Variants in GRIK4 observed in about 807,000 individuals in gnomAD.
GRIK4 encodes glutamate receptor ionotropic, kainate 4.
In GRIK4, 40 loss-of-function variants were observed where a neutral mutation model predicts 104.9. That is an observed-to-expected ratio of 0.38 (90% CI 0.30 to 0.50). GRIK4 has a LOEUF of 0.50. Ranked by LOEUF, GRIK4 falls within the 20% of genes least tolerant of loss-of-function variation. The pLI is 0.93. For synonymous variants in GRIK4, 485 were observed against 524.9 expected (o/e 0.92, Z 1.04); for missense variants, 1,047 against 1,308.1 (o/e 0.80, Z 3.08).
chr11:120,738,645 G>A (rs965690702), intron 3 of GRIK4, among the ~76,000 whole-genome samples: 3 of 152,194 alleles, frequency 2.0e-5, no homozygotes, highest in African/African-American at 7.2e-5. Flanking sequence ...TCTACATGCA[G>A]GGCAAGCAGG....
intron 3 of GRIK4, among the ~76,000 whole-genome samples, chr11:120,789,099 T>C (rs1952345016): frequency 6.6e-6 from 1 of 152,110 alleles, no homozygotes; most frequent in African/African-American, 2.4e-5. Context: ...CTCCTGTTAC[T>C]CACCATCCTA....
intron 3 of GRIK4, among the ~76,000 whole-genome samples, chr11:120,776,354 G>A (rs1289420637): frequency 6.6e-6 from 1 of 152,196 alleles, no homozygotes; most frequent in African/African-American, 2.4e-5. Context: ...CTGAGTTCCA[G>A]GCATTCTTTC....
At position 120,555,897 on chromosome 11, in the gene GRIK4, G is replaced by A. The variant is rs1484900190; in HGVS notation, c.-159+44010G>A. ...TGCCTTGTCTTGGATGTGACAACTG[G>A]GGCAATGACCAGGTTGACACAGGCA... On this transcript the variant is annotated intron_variant, in intron 1 of 20. Coordinates refer to ENST00000527524, the MANE Select transcript of GRIK4 (RefSeq NM_014619.5). This position sits in a 1 kb window ranked among gnomAD's most constrained non-coding sequence, Gnocchi z 5.3. Among the ~76,000 whole-genome samples, 1 of 152,064 alleles carries A rather than the reference G, an allele frequency of 6.6e-6. No individual in the cohort carries two copies. The highest frequency in any genetic ancestry group is 6.5e-5 in the Admixed American group (1 of 15,272).
chr11:120,851,056 T>C (rs1024869922), intron 8 of GRIK4, among the ~76,000 whole-genome samples: 4 of 152,072 alleles, frequency 2.6e-5, no homozygotes, highest in Admixed American at 6.5e-5. Flanking sequence ...GCTCATGTGG[T>C]AGACGCATCT....
At position 120,513,242 on chromosome 11, in the gene GRIK4, C is replaced by G. The variant is rs908591086; in HGVS notation, c.-159+1355C>G. Among the ~76,000 whole-genome samples, 6 of 152,190 alleles carry G rather than the reference C, an allele frequency of 3.9e-5. No homozygotes were observed. Among genetic ancestry groups the G allele is most frequent in the African/African-American group, 1.4e-4 (6 of 41,450 alleles). On this transcript the variant is annotated intron_variant, in intron 1 of 20. Coordinates refer to ENST00000527524, the MANE Select transcript of GRIK4 (RefSeq NM_014619.5). This position sits in a 1 kb window ranked among gnomAD's most constrained non-coding sequence, Gnocchi z 4.5. ...TGCCAGGAACAAAGAACTACCTTCA[C>G]TTTCACTCCCTATGGGTCACCTGGT...
chr11:120,587,481 G>A (rs1459423587), intron 1 of GRIK4, among the ~76,000 whole-genome samples: 1 of 152,128 alleles, frequency 6.6e-6, no homozygotes, highest in Non-Finnish European at 1.5e-5. Flanking sequence ...CTCAAAATAG[G>A]GATAATGGTA....
intron 1 of GRIK4, among the ~76,000 whole-genome samples, chr11:120,580,269 CCTTT>C (rs374600326): frequency 1.8e-5 from 2 of 113,816 alleles, no homozygotes; most frequent in Admixed American, 8.6e-5. Flanking sequence ...TTCTTTCTTT[CCTTT>C]CTTTCTTTAT....
chr11:120,526,857 A>AT (rs1358414850), intron 1 of GRIK4, among the ~76,000 whole-genome samples: 3 of 152,226 alleles, frequency 2.0e-5, no homozygotes, highest in Non-Finnish European at 2.9e-5. Flanking sequence ...CTCAAAAAAA[A>AT]GAAAAAAAAA....
At chr11:120,981,689 T>A (rs1014542600) in intron 19 of GRIK4, among the ~76,000 whole-genome samples, 1 of 152,254 alleles carries the variant, frequency 6.6e-6, no homozygotes, top group Non-Finnish European at 1.5e-5. Context: ...TGCTTTTATA[T>A]CACATAAATA....
intron 1 of GRIK4, among the ~76,000 whole-genome samples, chr11:120,518,698 A>C (rs1300985513): frequency 2.0e-5 from 3 of 152,152 alleles, no homozygotes; most frequent in Non-Finnish European, 4.4e-5. Flanking sequence ...GGCTTACTGC[A>C]ACCTCCGCCT....
At chr11:120,721,718 T>C (rs958965296) in intron 3 of GRIK4, among the ~76,000 whole-genome samples, 1 of 151,882 alleles carries the variant, frequency 6.6e-6, no homozygotes, top group Non-Finnish European at 1.5e-5. Flanking sequence ...ATAAAGGAAA[T>C]AGTTGGGCTA....
chr11:120,966,661 C>T (rs1029953584), intron 18 of GRIK4, among the ~76,000 whole-genome samples: 1 of 152,136 alleles, frequency 6.6e-6, no homozygotes, highest in Non-Finnish European at 1.5e-5. Context: ...CGTGAGCCAC[C>T]GTGCCTGGCT....
chr11:120,895,870 T>G (rs532151376), intron 11 of GRIK4, among the ~76,000 whole-genome samples: 1 of 152,286 alleles, frequency 6.6e-6, no homozygotes, highest in Non-Finnish European at 1.5e-5. Flanking sequence ...TTTGGAAACC[T>G]TAACAGCTCA....
intron 3 of GRIK4, among the ~76,000 whole-genome samples, chr11:120,761,455 A>G (rs1951748194): frequency 6.6e-6 from 1 of 152,158 alleles, no homozygotes; most frequent in South Asian, 2.1e-4. Context: ...TAGTTTAATT[A>G]GATCCCATTT....
chr11:120,775,344 C>G (rs142932932), intron 3 of GRIK4, among the ~76,000 whole-genome samples: 1 of 152,288 alleles, frequency 6.6e-6, no homozygotes, highest in East Asian at 1.9e-4. Context: ...GGAGGAAGGA[C>G]CTGAGAGACA....
At chr11:120,945,781 GCT>G (rs142949188) in intron 14 of GRIK4, among the ~76,000 whole-genome samples, 7 of 150,584 alleles carry the variant, frequency 4.6e-5, no homozygotes, top group African/African-American at 7.3e-5. Flanking sequence ...TGAACTCACT[GCT>G]CTCTCTCTCT....
intron 3 of GRIK4, among the ~76,000 whole-genome samples, chr11:120,735,258 G>A (rs1951200621): frequency 1.3e-5 from 2 of 152,202 alleles, no homozygotes; most frequent in African/African-American, 4.8e-5. Context: ...TGGGCCCCAA[G>A]CCTAGTAATG....
At chr11:120,837,744 A>T (rs1020498822) in intron 8 of GRIK4, among the ~76,000 whole-genome samples, 3 of 152,018 alleles carry the variant, frequency 2.0e-5, no homozygotes, top group Admixed American at 6.5e-5. Flanking sequence ...AAAAAGGGAG[A>T]AAAGGATTAG....
Position 120,712,052 on chromosome 11 carries a change from C to G in GRIK4, c.82+51652C>G, listed in dbSNP as rs761862195. On this transcript the variant is annotated intron_variant, in intron 3 of 20. Coordinates refer to ENST00000527524, the MANE Select transcript of GRIK4 (RefSeq NM_014619.5). ...CAATAATACACAAAGCACACAAGGT[C>G]GCTGCTTCACGCAGCTTACACCCAG... 3.3e-5 allele frequency among the ~76,000 whole-genome samples: 5 copies of G among 152,248 alleles called. No homozygotes were observed. The East Asian group carries it at 9.6e-4, about 29-fold the overall frequency.
Sources: allele counts gnomAD v4.1 joint callset (sites outside exome capture counted in the v4.1 genomes callset), GRCh38; gene constraint gnomAD v4.1.1; non-coding constraint Gnocchi (gnomAD v3.1); transcripts MANE v1.5; gene names NCBI Gene and HGNC (gene_info 2026-07-23, HGNC 2026-07-21).